The following NFX1 variants were observed in gnomAD, a reference collection of about 807,000 sequenced individuals.
NFX1 encodes transcriptional repressor NF-X1.
Under a neutral mutation model 137.2 loss-of-function variants are expected in NFX1, and 69 were observed. The ratio of observed to expected loss-of-function variants is 0.50; its 90% confidence interval spans 0.41 to 0.61. The LOEUF is 0.61. Ranked by LOEUF, NFX1 falls within the 20% of genes least tolerant of loss-of-function variation. The pLI, the probability that NFX1 is intolerant of heterozygous loss-of-function variation, is 0.00. For missense variants in NFX1, 1,167 were observed against 1,391.0 expected (o/e 0.84, Z 2.56); for synonymous variants, 495 against 474.1 (o/e 1.04, Z -0.57).
intron 12 of NFX1, 141 bp downstream of exon 12, chr9:33,338,730 G>C: frequency 4.3e-6 from 3 of 704,768 alleles, no homozygotes; most frequent in Non-Finnish European, 7.1e-6. Context: ...AGCTCTCATA[G>C]TCCCCATAAC....
Position 33,351,771 on chromosome 9 carries a change from T to A in NFX1, c.2636T>A (p.Val879Glu), listed in dbSNP as rs1276725159. 2.5e-6 allele frequency: 4 copies of A among 1,591,736 alleles called. No individual in the cohort carries two copies. The highest frequency in any genetic ancestry group is 3.4e-6 in the Non-Finnish European group (4 of 1,170,078). ...TGCCATACCAGCTCACCCTGCCCTG[T>A]GACTGCTTGTAAAGCTAAGGTGGGT... ...APCHTSSPCPVTACKAKVELQ... is the reference protein window; with the variant it reads ...APCHTSSPCPETACKAKVELQ... Residue 879 changes from valine (V) to glutamate (E), a missense_variant, in exon 16 of 24, where the codon GTG (valine) becomes GAG (glutamate). By Grantham distance (121) the Val-to-Glu change is moderately radical (BLOSUM62 -2). Coordinates refer to ENST00000379540, the MANE Select transcript of NFX1 (RefSeq NM_002504.6).
intron 11 of NFX1, among the ~76,000 whole-genome samples, chr9:33,337,553 G>T (rs972463106): frequency 1.3e-5 from 2 of 152,060 alleles, no homozygotes; most frequent in African/African-American, 4.8e-5. Context: ...AGTTTTAAAG[G>T]TGAAAATTGA....
intron 5 of NFX1, among the ~76,000 whole-genome samples, chr9:33,308,680 A>G (rs1243080836): frequency 2.6e-5 from 4 of 152,246 alleles, no homozygotes; most frequent in African/African-American, 9.6e-5. Flanking sequence ...AATAACACTT[A>G]TAGGGTTCTA....
intron 10 of NFX1, among the ~76,000 whole-genome samples, chr9:33,331,979 C>G (rs1822824471): frequency 6.6e-6 from 1 of 152,176 alleles, no homozygotes; most frequent in African/African-American, 2.4e-5. Context: ...AACCAAAGAT[C>G]CTGCTTTATT....
At chr9:33,296,742 C>A (rs1230733089) in intron 2 of NFX1, among the ~76,000 whole-genome samples, 1 of 152,184 alleles carries the variant, frequency 6.6e-6, no homozygotes, top group African/African-American at 2.4e-5. Context: ...AAAAAAGTTA[C>A]TTTAGTCACA....
intron 5 of NFX1, among the ~76,000 whole-genome samples, chr9:33,309,928 A>G (rs1446863590): frequency 6.6e-6 from 1 of 152,256 alleles, no homozygotes; most frequent in Non-Finnish European, 1.5e-5. Flanking sequence ...GACATAACCT[A>G]GAATCACCCA....
intron 16 of NFX1, 122 bp downstream of exon 16, chr9:33,351,912 C>A: frequency 1.1e-6 from 1 of 874,244 alleles, no homozygotes; most frequent in Non-Finnish European, 1.7e-6. Context: ...TTGCAAATAA[C>A]CACAAGTTAG....
At chr9:33,302,170 G>T (rs1821592591) in intron 3 of NFX1, among the ~76,000 whole-genome samples, 1 of 151,968 alleles carries the variant, frequency 6.6e-6, no homozygotes, top group East Asian at 1.9e-4. Context: ...TTTGATACAA[G>T]CGTACAATGT....
At chr9:33,308,092 A>C (rs1431873035) in intron 5 of NFX1, among the ~76,000 whole-genome samples, 1 of 152,078 alleles carries the variant, frequency 6.6e-6, no homozygotes, top group Admixed American at 6.5e-5. Flanking sequence ...GGTGTGAGCC[A>C]CCACACCCAG....
rs1022754151 is a variant in NFX1 at position 33,308,527 on chromosome 9, A to T, written c.1376+1228A>T. On this transcript the variant is annotated intron_variant, in intron 5 of 23. Coordinates refer to ENST00000379540, the MANE Select transcript of NFX1 (RefSeq NM_002504.6). Reference sequence around the variant, plus strand: ...ATGCACAGTAATAGAAAAACAGTTGATCAGTTACAAATAAATTTCTACAGG... The same window carrying T: ...ATGCACAGTAATAGAAAAACAGTTGTTCAGTTACAAATAAATTTCTACAGG... 5.3e-5 allele frequency among the ~76,000 whole-genome samples: 8 copies of T among 152,228 alleles called. No homozygotes were observed. The South Asian group carries it at 1.4e-3, about 28-fold the overall frequency.
rs200672726 is a variant in NFX1 at position 33,369,736 on chromosome 9, T to TA, written c.3291-163dup. Among the ~76,000 whole-genome samples, 281 of 152,144 alleles carry TA rather than the reference T, an allele frequency of 1.8e-3. 10 individuals carry two copies. In the East Asian group the frequency reaches 0.029, roughly 16 times the overall value. On this transcript the variant is annotated intron_variant, in intron 23 of 23. Transcript: ENST00000379540. ...TAAATCTAGAAGGAAACACAAAAGT[T>TA]AAAAAAATTGCTCACAAAGGGCAGA... is the stretch of plus-strand genomic sequence containing the variant.
chr9:33,333,533 T>G (rs1173641712), intron 11 of NFX1, among the ~76,000 whole-genome samples: 1 of 152,094 alleles, frequency 6.6e-6, no homozygotes, highest in East Asian at 1.9e-4. Flanking sequence ...ATGAAGAGAG[T>G]GTTGTTGTTC....
At chr9:33,348,769 T>G in intron 15 of NFX1, 1 of 985,050 alleles carries the variant, frequency 1.0e-6, no homozygotes, top group East Asian at 1.1e-4. Context: ...ATTCTGCTAC[T>G]GAGAAAGAAA....
chr9:33,295,884 G>A (rs1330786841), intron 2 of NFX1, among the ~76,000 whole-genome samples: 2 of 152,182 alleles, frequency 1.3e-5, no homozygotes, highest in Admixed American at 1.3e-4. Flanking sequence ...CTCTCTTTCA[G>A]TTCACCTCTT....
chr9:33,324,252 G>A (rs534662175), intron 9 of NFX1, among the ~76,000 whole-genome samples: 3 of 152,170 alleles, frequency 2.0e-5, no homozygotes, highest in South Asian at 2.1e-4. Flanking sequence ...GGCGGCACAC[G>A]CCTGTAATCC....
At chr9:33,369,804 A>T (rs781456935) in intron 23 of NFX1, 102 bp from the exon 24 acceptor site, 5 of 823,336 alleles carry the variant, frequency 6.1e-6, no homozygotes, top group Non-Finnish European at 9.8e-6. Flanking sequence ...ATAAATGTTT[A>T]AGATTCACAA....
intron 14 of NFX1, among the ~76,000 whole-genome samples, chr9:33,345,587 A>G (rs1823391468): frequency 6.6e-6 from 1 of 152,176 alleles, no homozygotes; most frequent in Non-Finnish European, 1.5e-5. Flanking sequence ...GCCATGTGCA[A>G]ATATATATGT....
At chr9:33,336,126 G>T (rs1322356828) in intron 11 of NFX1, among the ~76,000 whole-genome samples, 1 of 152,124 alleles carries the variant, frequency 6.6e-6, no homozygotes, top group African/African-American at 2.4e-5. Context: ...GTTTTCCACA[G>T]TGGCTACACC....
chr9:33,349,155 A>G (rs1239122048), intron 15 of NFX1, among the ~76,000 whole-genome samples: 2 of 152,228 alleles, frequency 1.3e-5, no homozygotes, highest in Non-Finnish European at 2.9e-5. Flanking sequence ...GATATCGAGT[A>G]TGAGTACCTA....
Sources: allele counts gnomAD v4.1 joint callset (sites outside exome capture counted in the v4.1 genomes callset), GRCh38; gene constraint gnomAD v4.1.1; transcripts MANE v1.5; gene names NCBI Gene and HGNC (gene_info 2026-07-23, HGNC 2026-07-21).